Variants in MCTP2 observed in about 807,000 individuals in gnomAD.
MCTP2 encodes multiple C2 and transmembrane domain-containing protein 2.
Under a neutral mutation model 111.6 loss-of-function variants are expected in MCTP2, and 132 were observed. That is an observed-to-expected ratio of 1.18 (90% CI 1.03 to 1.37). The LOEUF is 1.37. Among genes scored for constraint, MCTP2 ranks in the 40% most tolerant of loss-of-function variants. The pLI is 0.00. For missense variants in MCTP2, 1,183 were observed against 1,067.9 expected, an observed-to-expected ratio of 1.11 and a Z score of -1.50; for synonymous variants, 395 against 387.7, an observed-to-expected ratio of 1.02 and a Z score of -0.22.
intron 1 of MCTP2, among the ~76,000 whole-genome samples, chr15:94,285,518 T>C (rs560003563): frequency 6.6e-6 from 1 of 151,994 alleles, no homozygotes; most frequent in Non-Finnish European, 1.5e-5. Context: ...CAATTTATTT[T>C]TTTTTGTTGA....
Position 94,396,674 on chromosome 15 carries a change from C to T in MCTP2, c.1789-2287C>T, listed in dbSNP as rs139003146. 1.5e-4 allele frequency among the ~76,000 whole-genome samples: 23 copies of T among 152,222 alleles called. No homozygotes were observed. In the East Asian group the frequency reaches 3.9e-3, roughly 26 times the overall value. ...CACCTGTTCTTAACCCAAACATATT[C>T]CAAATACTAACTAGCATTTCTTCTT... On this transcript the variant is annotated intron_variant, in intron 14 of 22. Transcript: ENST00000357742.
At chr15:94,255,736 G>A (rs1235471916) in intron 1 of MCTP2, among the ~76,000 whole-genome samples, 1 of 152,166 alleles carries the variant, frequency 6.6e-6, no homozygotes, top group Non-Finnish European at 1.5e-5. Context: ...TGAAGCCGAG[G>A]CAGTTTCACA....
Position 94,245,352 on chromosome 15 carries a change from ATATG to A in MCTP2, c.-66+13692_-66+13695del, listed in dbSNP as rs539604530. On this transcript the variant is annotated intron_variant, in intron 1 of 22. Transcript: ENST00000357742. Reference sequence around the variant, plus strand: ...TACATATGTGTAGATATTTACATACATATGTATATATATTTACATACATATGTAT... The same window carrying A: ...TACATATGTGTAGATATTTACATACATATATATATTTACATACATATGTAT... Among the ~76,000 whole-genome samples the A allele has an allele frequency of 4.7e-3, 629 of 133,278 alleles. 5 individuals are homozygous for A. Among genetic ancestry groups the A allele is most frequent in the South Asian group, 0.02 (83 of 4,050 alleles). The allele number at this position is 133,278 out of a possible 152,430, so 87.4% of individuals were successfully genotyped here.
At chr15:94,381,458 C>A (rs1050718632) in intron 12 of MCTP2, among the ~76,000 whole-genome samples, 7 of 152,208 alleles carry the variant, frequency 4.6e-5, no homozygotes. Flanking sequence ...GTCTGTTCCT[C>A]ATTAGCTGGG....
intron 2 of MCTP2, among the ~76,000 whole-genome samples, chr15:94,307,177 C>T (rs2075923406): frequency 6.6e-6 from 1 of 152,098 alleles, no homozygotes; most frequent in African/African-American, 2.4e-5. Context: ...AAAAAAGTCA[C>T]CTTCCTCATG....
intron 12 of MCTP2, among the ~76,000 whole-genome samples, chr15:94,382,095 G>A (rs1353821090): frequency 6.6e-6 from 1 of 152,228 alleles, no homozygotes; most frequent in Non-Finnish European, 1.5e-5. Flanking sequence ...GACAGGCCCC[G>A]GAGGCCCTTG....
At chr15:94,431,977 A>C (rs1278141813) in intron 17 of MCTP2, among the ~76,000 whole-genome samples, 1 of 152,154 alleles carries the variant, frequency 6.6e-6, no homozygotes, top group African/African-American at 2.4e-5. Context: ...AGACCACTCC[A>C]GTGGTTTTTA....
chr15:94,279,882 G>A (rs1289579262), intron 1 of MCTP2, among the ~76,000 whole-genome samples: 1 of 152,066 alleles, frequency 6.6e-6, no homozygotes, highest in Admixed American at 6.6e-5. Flanking sequence ...TTTGCTTTTA[G>A]TTCTATTTAT....
chr15:94,340,633 CCAAA>C (rs1376694887), intron 6 of MCTP2, among the ~76,000 whole-genome samples, 176 bp from the exon 7 acceptor site: 1 of 152,090 alleles, frequency 6.6e-6, no homozygotes, highest in Non-Finnish European at 1.5e-5. Flanking sequence ...TTAAACAATG[CCAAA>C]CAGTTTCTCT....
chr15:94,384,638 A>G (rs576806476), intron 13 of MCTP2, among the ~76,000 whole-genome samples: 2 of 152,348 alleles, frequency 1.3e-5, no homozygotes, highest in African/African-American at 4.8e-5. Context: ...AGTTTGCTTC[A>G]GATTTCAAGG....
chr15:94,444,007 CAG>C (rs1312713124), intron 19 of MCTP2, among the ~76,000 whole-genome samples: 1 of 50,960 alleles, frequency 2.0e-5, no homozygotes, highest in Admixed American at 2.0e-4. Context: ...AAAAAAAAAA[CAG>C]AAGTATTAGT....
intron 1 of MCTP2, among the ~76,000 whole-genome samples, chr15:94,249,053 TTC>T (rs1234320604): frequency 6.6e-6 from 1 of 152,210 alleles, no homozygotes; most frequent in African/African-American, 2.4e-5. Context: ...GTACTGATTG[TTC>T]TCTCTCTGGA....
intron 19 of MCTP2, among the ~76,000 whole-genome samples, chr15:94,454,578 C>T (rs1169145887): frequency 4.8e-5 from 7 of 146,326 alleles, no homozygotes; most frequent in African/African-American, 1.3e-4. Context: ...CTTAAACATT[C>T]TCCAAAATTG....
At chr15:94,246,321 C>G (rs866298267) in intron 1 of MCTP2, among the ~76,000 whole-genome samples, 19 of 152,270 alleles carry the variant, frequency 1.2e-4, no homozygotes, top group African/African-American at 4.3e-4. Context: ...GGGAAAGTTA[C>G]TTAAGCTTTC....
chr15:94,304,296 G>A (rs1238927500), intron 2 of MCTP2, among the ~76,000 whole-genome samples: 4 of 152,134 alleles, frequency 2.6e-5, no homozygotes, highest in Non-Finnish European at 5.9e-5. Context: ...ATAAAAATTA[G>A]CTAGGCATGG....
rs150360575 is a variant in MCTP2 at position 94,471,091 on chromosome 15, G to A, written c.2470+649G>A. On this transcript the variant is annotated intron_variant, in intron 21 of 22. Coordinates refer to ENST00000357742, the MANE Select transcript of MCTP2 (RefSeq NM_001385001.1). ...GACTTGATTTAATACTCAAACTAGCGGTTGGACAAAATGCAAGCAGCTTGG... is the reference window on the plus strand; with the variant it reads ...GACTTGATTTAATACTCAAACTAGCAGTTGGACAAAATGCAAGCAGCTTGG... Among the ~76,000 whole-genome samples, 709 of 152,284 alleles carry A rather than the reference G, an allele frequency of 4.7e-3. 5 individuals carry two copies. Among genetic ancestry groups the A allele is most frequent in the African/African-American group, 0.01 (428 of 41,560 alleles).
chr15:94,291,903 C>T (rs2075049709), intron 1 of MCTP2, among the ~76,000 whole-genome samples: 1 of 152,138 alleles, frequency 6.6e-6, no homozygotes, highest in Non-Finnish European at 1.5e-5. Flanking sequence ...TACCATTGGG[C>T]AAAAGCAGTC....
intron 1 of MCTP2, among the ~76,000 whole-genome samples, chr15:94,243,334 T>C (rs200783667): frequency 0.031 from 4,265 of 138,052 alleles, 244 homozygotes; most frequent in Admixed American, 0.078. Flanking sequence ...CGTATGCGTA[T>C]ATGCGTATGT....
In MCTP2 at chr15:94,479,424, G is replaced by T. The variant is rs911913129; in HGVS notation, c.*390G>T. On this transcript the variant is annotated 3_prime_UTR_variant, in exon 23 of 23. Coordinates refer to ENST00000357742, the MANE Select transcript of MCTP2 (RefSeq NM_001385001.1). Reference sequence around the variant, plus strand: ...TCCAACAGACTCTCATTAAGATTCAGTTATTTCCGCTCCCCAGCCCCACAC... The same window carrying T: ...TCCAACAGACTCTCATTAAGATTCATTTATTTCCGCTCCCCAGCCCCACAC... 1.4e-5 allele frequency: 3 copies of T among 219,016 alleles called. No homozygotes were observed. The highest frequency in any genetic ancestry group is 2.8e-5 in the Non-Finnish European group (3 of 108,822). The allele number at this position is 219,016 out of a possible 1,614,324, so 13.6% of individuals were successfully genotyped here.
Sources: gnomAD v4.1 joint callset for allele counts (sites outside exome capture counted in the v4.1 genomes callset) on GRCh38, gnomAD v4.1.1 for gene constraint, MANE v1.5 for transcripts, NCBI Gene and HGNC (gene_info 2026-07-23, HGNC 2026-07-21) for gene names.